Variants in GAREM1 observed in about 807,000 individuals in gnomAD.
GAREM1 encodes the protein GRB2 associated regulator of MAPK1 subtype 1.
A neutral mutation model predicts 71.3 loss-of-function variants in GAREM1; 26 were observed. The observed-to-expected ratio is 0.36, with a 90% CI of 0.27 to 0.51. The LOEUF (loss-of-function observed/expected upper bound fraction) is 0.51. Among genes scored for constraint, GAREM1 ranks in the 20% least tolerant of loss-of-function variants. The pLI is 0.95. For synonymous variants in GAREM1, 440 were observed against 433.2 expected, an observed-to-expected ratio of 1.02 and a Z score of -0.20; for missense variants, 1,026 against 1,103.1, an observed-to-expected ratio of 0.93 and a Z score of 0.99.
intron 1 of GAREM1, among the ~76,000 whole-genome samples, chr18:32,395,882 C>A (rs1194895415): frequency 6.6e-6 from 1 of 152,168 alleles, no homozygotes; most frequent in Non-Finnish European, 1.5e-5. Flanking sequence ...GGGTCCCTGA[C>A]CCCCAAGTAG....
intron 4 of GAREM1, among the ~76,000 whole-genome samples, chr18:32,270,908 T>TTTG (rs1194666624): frequency 7.0e-6 from 1 of 143,246 alleles, no homozygotes. Context: ...TTTTTTTTTT[T>TTTG]TTTTTTTTTT....
chr18:32,392,427 A>G (rs2048211851), intron 2 of GAREM1, among the ~76,000 whole-genome samples: 1 of 152,210 alleles, frequency 6.6e-6, no homozygotes, highest in African/African-American at 2.4e-5. Context: ...TGTAATCTAA[A>G]TGCCTATTGA....
rs143945618 is a variant in GAREM1 at position 32,275,835 on chromosome 18, C to T, written c.1567-5452G>A. On this transcript the variant is annotated intron_variant, in intron 4 of 5. Coordinates refer to ENST00000269209, the MANE Select transcript of GAREM1 (RefSeq NM_001242409.2). ...CTGGGATTACAAGCATGTACCACCA[C>T]GCCTGGCTAATTTTGTATTTTTAGT... 5.0e-3 allele frequency among the ~76,000 whole-genome samples: 762 copies of T among 152,272 alleles called. 3 individuals carry two copies. The highest frequency in any genetic ancestry group is 0.014 in the Middle Eastern group (4 of 294).
At chr18:32,312,620 G>C (rs57546420) in intron 2 of GAREM1, among the ~76,000 whole-genome samples, 15,278 of 152,166 alleles carry the variant, frequency 0.1, 1,151 homozygotes, top group African/African-American at 0.21. Flanking sequence ...AAGAGAGATG[G>C]AACAGAGGCT....
At chr18:32,459,064 T>A (rs895759805) in intron 1 of GAREM1, among the ~76,000 whole-genome samples, 2 of 152,058 alleles carry the variant, frequency 1.3e-5, no homozygotes, top group Non-Finnish European at 2.9e-5. Context: ...TTCCATTCAG[T>A]CACAAAAGGT....
chr18:32,294,966 T>C (rs565525663), intron 3 of GAREM1, among the ~76,000 whole-genome samples: 1 of 152,298 alleles, frequency 6.6e-6, no homozygotes, highest in South Asian at 2.1e-4. Context: ...CCAATTCTAG[T>C]TTTCTAAAAG....
chr18:32,367,887 A>G (rs557136079), intron 2 of GAREM1, among the ~76,000 whole-genome samples: 2 of 152,310 alleles, frequency 1.3e-5, no homozygotes, highest in African/African-American at 4.8e-5. Context: ...AGGGATGGGC[A>G]GGGAGAAGGG....
chr18:32,367,583 G>T (rs1307167172), intron 2 of GAREM1, among the ~76,000 whole-genome samples: 1 of 152,200 alleles, frequency 6.6e-6, no homozygotes, highest in Non-Finnish European at 1.5e-5. Context: ...AATACGAGAA[G>T]AGCAATCTCT....
chr18:32,345,626 A>C (rs1043371432), intron 2 of GAREM1, among the ~76,000 whole-genome samples: 1 of 152,196 alleles, frequency 6.6e-6, no homozygotes, highest in Non-Finnish European at 1.5e-5. Context: ...TTTCTGGTCA[A>C]ATCTGCCCAA....
intron 1 of GAREM1, among the ~76,000 whole-genome samples, chr18:32,432,571 G>C (rs2144259871): frequency 6.6e-6 from 1 of 152,150 alleles, no homozygotes; most frequent in East Asian, 1.9e-4. Flanking sequence ...AAGAACAAAA[G>C]AGAAGAGATA....
Position 32,358,761 on chromosome 18 carries a change from C to T in GAREM1, c.262+34134G>A, listed in dbSNP as rs757817778. ...ATATGTGAGTGGTGAAAACAGCAGG[C>T]CACTAGGAGGTCAGGGTCAAAGGAA... On this transcript the variant is annotated intron_variant, in intron 2 of 5. Transcript: ENST00000269209. Among the ~76,000 whole-genome samples, 40 of 152,050 alleles carry T rather than the reference C, an allele frequency of 2.6e-4. 1 individual carries two copies. Among genetic ancestry groups the T allele is most frequent in the Non-Finnish European group, 8.8e-5 (6 of 68,016 alleles).
At chr18:32,376,428 G>A (rs1421254618) in intron 2 of GAREM1, among the ~76,000 whole-genome samples, 2 of 152,168 alleles carry the variant, frequency 1.3e-5, no homozygotes, top group Admixed American at 6.5e-5. Flanking sequence ...ATAATCTTTT[G>A]TTCAGTTGAT....
chr18:32,303,120 G>A (rs1264342854), intron 3 of GAREM1, among the ~76,000 whole-genome samples: 1 of 152,214 alleles, frequency 6.6e-6, no homozygotes, highest in Non-Finnish European at 1.5e-5. Context: ...TGAAGCCAAT[G>A]TAAACTTGTT....
intron 4 of GAREM1, among the ~76,000 whole-genome samples, chr18:32,271,474 T>C (rs767947073): frequency 6.6e-6 from 1 of 152,166 alleles, no homozygotes; most frequent in African/African-American, 2.4e-5. Context: ...TATGAGACAT[T>C]GAGCCAGGCA....
intron 1 of GAREM1, among the ~76,000 whole-genome samples, chr18:32,466,239 A>G (rs2048997911): frequency 6.6e-6 from 1 of 152,320 alleles, no homozygotes; most frequent in Non-Finnish European, 1.5e-5. Context: ...ATAAAAATAT[A>G]TTACACTGAG....
intron 1 of GAREM1, among the ~76,000 whole-genome samples, chr18:32,401,733 C>A (rs2048317885): frequency 6.6e-6 from 1 of 152,120 alleles, no homozygotes; most frequent in African/African-American, 2.4e-5. Flanking sequence ...GAACACACTG[C>A]CATTCGGGGG....
At chr18:32,415,573 G>T (rs191476330) in intron 1 of GAREM1, among the ~76,000 whole-genome samples, 27 of 152,052 alleles carry the variant, frequency 1.8e-4, no homozygotes, top group Middle Eastern at 6.8e-3. Flanking sequence ...TTCAACACAC[G>T]GAAATCAATC....
chr18:32,295,352 T>C (rs1328829728), intron 3 of GAREM1, among the ~76,000 whole-genome samples: 1 of 152,338 alleles, frequency 6.6e-6, no homozygotes, highest in East Asian at 1.9e-4. Context: ...AAGACAATAC[T>C]GTGTAATTCT....
intron 1 of GAREM1, among the ~76,000 whole-genome samples, chr18:32,426,496 TTATGCCTCACTC>T (rs1490453199): frequency 6.6e-6 from 1 of 152,216 alleles, no homozygotes; most frequent in Non-Finnish European, 1.5e-5. Context: ...TGGCTTCAAC[TTATGCCTCACTC>T]TATTATATAC....
Sources: allele counts gnomAD v4.1 joint callset (sites outside exome capture counted in the v4.1 genomes callset), GRCh38; gene constraint gnomAD v4.1.1; transcripts MANE v1.5; gene names NCBI Gene and HGNC (gene_info 2026-07-23, HGNC 2026-07-21).